The following CFAP47 variants were observed in gnomAD, a reference collection of about 807,000 sequenced individuals.
CFAP47 encodes cilia- and flagella-associated protein 47.
CFAP47 carries 29 observed loss-of-function variants against 148.1 expected under a neutral mutation model. The ratio of observed to expected loss-of-function variants is 0.20; its 90% confidence interval spans 0.15 to 0.27. The LOEUF is 0.27. Among genes scored for constraint, CFAP47 ranks in the 10% least tolerant of loss-of-function variants. CFAP47 has a pLI of 1.00. For missense variants in CFAP47, 1,872 were observed against 1,697.5 expected (o/e 1.10, Z -1.81); for synonymous variants, 664 against 577.3 (o/e 1.15, Z -2.15).
intron 57 of CFAP47, among the ~76,000 whole-genome samples, chrX:36,334,924 T>C (rs1556014611): frequency 9.0e-6 from 1 of 110,650 alleles, no homozygotes; most frequent in African/African-American, 3.3e-5. Flanking sequence ...TGGCAATCTA[T>C]GATGAATTTT....
chrX:36,120,246 G>T (rs1240582255), intron 33 of CFAP47, among the ~76,000 whole-genome samples: 2 of 108,960 alleles, frequency 1.8e-5, no homozygotes, highest in Admixed American at 9.8e-5. Context: ...CTGACCTCAT[G>T]ATCCATCCAC....
At chrX:36,149,325 T>C (rs1939276870) in intron 37 of CFAP47, 102 bp downstream of exon 37, 1 of 274,268 alleles carries the variant, frequency 3.6e-6, no homozygotes, top group African/African-American at 2.7e-5. Flanking sequence ...GATAGATATT[T>C]AATGAAACGA....
intron 6 of CFAP47, among the ~76,000 whole-genome samples, chrX:35,953,368 A>T (rs1936196075): frequency 8.9e-6 from 1 of 111,763 alleles, no homozygotes; most frequent in African/African-American, 3.2e-5. Context: ...TGTCTTGACG[A>T]TGTTGGCACG....
At position 36,071,858 on chromosome X, in the gene CFAP47, G is replaced by T. The variant is rs1937760327; in HGVS notation, c.4352G>T (p.Gly1451Val). 1.7e-6 allele frequency: 2 copies of T among 1,206,047 alleles called. No individual in the cohort carries two copies. The highest frequency in any genetic ancestry group is 5.9e-5 in the East Asian group (2 of 33,695). The change falls in exon 28 of 64, where the codon GGT becomes GTT. Residue 1451 changes from glycine (G) to valine (V), a missense_variant. Coordinates refer to ENST00000378653, the MANE Select transcript of CFAP47 (RefSeq NM_001304548.2). ...GAATATCTTAAGAAGACTAGAGATG[G>T]TGTTTTGCCTCCCTACCAGGATGCT... ...KDEYLKKTRDGVLPPYQDAKP... is the reference protein window; with the variant it reads ...KDEYLKKTRDVVLPPYQDAKP...
chrX:36,169,647 G>A (rs955916609), intron 39 of CFAP47, among the ~76,000 whole-genome samples: 3 of 111,061 alleles, frequency 2.7e-5, no homozygotes, highest in African/African-American at 9.8e-5. Context: ...TTTAATTGAT[G>A]TTGTCTATTT....
At chrX:36,015,722 C>A (rs1218805763) in intron 22 of CFAP47, among the ~76,000 whole-genome samples, 2 of 111,505 alleles carry the variant, frequency 1.8e-5, no homozygotes, top group Non-Finnish European at 3.8e-5. Flanking sequence ...TTAAGAATTT[C>A]TTTTGGAAAG....
chrX:36,076,519 G>A (rs1937860431), intron 29 of CFAP47, among the ~76,000 whole-genome samples: 1 of 109,855 alleles, frequency 9.1e-6, no homozygotes, highest in Admixed American at 9.7e-5. Context: ...TATGTTCATT[G>A]GCCAGTTATA....
chrX:35,971,716 C>T lies in CFAP47; in HGVS notation c.2101C>T (p.Arg701Ter). Residue 701 changes from arginine to a stop codon, truncating the protein, a stop_gained, in exon 12 of 64, where the codon CGA becomes TGA. Coordinates refer to ENST00000378653, the MANE Select transcript of CFAP47 (RefSeq NM_001304548.2). LOFTEE classifies it high-confidence loss of function. The stretch of plus-strand genomic sequence containing the variant: ...AGCAGCAAATTCAATTAGAGCGAAT[C>T]GATTGTTAACCACCAGGGGTATAGC... ...SSAANSIRANRLLTTRGIASQ... is the reference protein window; with the variant it reads ...SSAANSIRAN The T allele has an allele frequency of 8.3e-7, 1 of 1,210,769 alleles. No homozygotes were observed. The highest frequency in any genetic ancestry group is 1.1e-6 in the Non-Finnish European group (1 of 895,008).
chrX:35,991,616 G>A (rs1012308793), intron 16 of CFAP47, among the ~76,000 whole-genome samples: 3 of 110,177 alleles, frequency 2.7e-5, no homozygotes, highest in East Asian at 2.9e-4. Context: ...AGCATATAAA[G>A]TCCTGATTTG....
At chrX:35,982,555 A>G (rs1398487966) in intron 15 of CFAP47, among the ~76,000 whole-genome samples, 1 of 110,630 alleles carries the variant, frequency 9.0e-6, no homozygotes. Context: ...CCATAATGCT[A>G]TTTCTTAGGT....
chrX:35,989,716 A>G lies in CFAP47; in HGVS notation c.2844+267A>G, dbSNP rs1361644803. The G allele has an allele frequency of 1.1e-5, 7 of 625,570 alleles. No individual in the cohort carries two copies. The East Asian group carries it at 2.6e-4, about 24-fold the overall frequency. The allele number at this position is 625,570 out of a possible 1,213,427, so 51.6% of individuals were successfully genotyped here. On this transcript the variant is annotated intron_variant, in intron 16 of 63. Coordinates refer to ENST00000378653, the MANE Select transcript of CFAP47 (RefSeq NM_001304548.2). ...AAAATGTGAGTAGAGGGAAAGCTGT[A>G]ATATGCAATTTTAACCTTTTTCTGG... is the stretch of plus-strand genomic sequence containing the variant.
At chrX:36,266,147 G>A (rs1401146299) in intron 49 of CFAP47, among the ~76,000 whole-genome samples, 2 of 111,143 alleles carry the variant, frequency 1.8e-5, no homozygotes, top group South Asian at 3.9e-4. Flanking sequence ...CACGGTGGGT[G>A]TAAATGCTCC....
At chrX:36,174,482 T>G (rs1434403026) in intron 39 of CFAP47, among the ~76,000 whole-genome samples, 3 of 110,193 alleles carry the variant, frequency 2.7e-5, no homozygotes, top group African/African-American at 6.6e-5. Context: ...AGGAGCTCTT[T>G]TAGGGCAGGC....
intron 55 of CFAP47, among the ~76,000 whole-genome samples, 159 bp downstream of exon 55, chrX:36,307,035 T>C (rs1556008990): frequency 8.9e-6 from 1 of 111,870 alleles, no homozygotes; most frequent in African/African-American, 3.2e-5. Flanking sequence ...ATATGCATTA[T>C]GTACATGCAG....
Position 35,924,296 on chromosome X carries a change from T to C in CFAP47, c.250-1721T>C, listed in dbSNP as rs768421284. Among the ~76,000 whole-genome samples, 11 of 102,014 alleles carry C rather than the reference T, an allele frequency of 1.1e-4. No individual in the cohort carries two copies. The East Asian group carries it at 1.5e-3, about 14-fold the overall frequency. The allele number at this position is 102,014 out of a possible 115,157, so 88.6% of individuals were successfully genotyped here. On this transcript the variant is annotated intron_variant, in intron 1 of 63. Coordinates refer to ENST00000378653, the MANE Select transcript of CFAP47 (RefSeq NM_001304548.2). ...GTATGTGTATATGTACATGTATGTG[T>C]ACACATATGTATATATGTACATGTA...
At position 36,371,641 on chromosome X, in the gene CFAP47, CAT is replaced by C. The variant is rs782625744; in HGVS notation, c.9185+4517_9185+4518del. ...TGTGTAATATATGTGTATATACACACATATGTGTATATATGTGTGTATATACA... is the reference window on the plus strand; with the variant it reads ...TGTGTAATATATGTGTATATACACACATGTGTATATATGTGTGTATATACA... On this transcript the variant is annotated intron_variant, in intron 62 of 63. Transcript: ENST00000378653. Among the ~76,000 whole-genome samples the C allele has an allele frequency of 1.9e-3, 137 of 71,430 alleles. 12 individuals are homozygous for C. The highest frequency in any genetic ancestry group is 9.9e-3 in the South Asian group (11 of 1,106). The allele number at this position is 71,430 out of a possible 115,157, so 62.0% of individuals were successfully genotyped here. A position where few individuals can be genotyped will look rare whatever the true frequency, so the allele number is the denominator to read the frequency against.
intron 22 of CFAP47, among the ~76,000 whole-genome samples, chrX:36,027,629 G>T (rs1193875344): frequency 9.0e-6 from 1 of 111,044 alleles, no homozygotes; most frequent in African/African-American, 3.3e-5. Flanking sequence ...ACATGTGCAG[G>T]TGTCTTTCTG....
chrX:36,301,225 G>T, intron 53 of CFAP47, 46 bp downstream of exon 53: 1 of 699,054 alleles, frequency 1.4e-6, no homozygotes, highest in South Asian at 2.6e-5. Context: ...AAGAAAAATA[G>T]TTAATCTATT....
chrX:35,978,653 T>C (rs1936601546), intron 15 of CFAP47, among the ~76,000 whole-genome samples: 1 of 111,973 alleles, frequency 8.9e-6, no homozygotes. Flanking sequence ...AAAAAGTGTT[T>C]GTAATTTGTA....
Sources: gnomAD v4.1 joint callset for allele counts (sites outside exome capture counted in the v4.1 genomes callset) on GRCh38, gnomAD v4.1.1 for gene constraint, MANE v1.5 for transcripts, NCBI Gene and HGNC (gene_info 2026-07-23, HGNC 2026-07-21) for gene names.